ANKRD13A: variants seen among roughly 807,000 people sequenced by gnomAD.
ANKRD13A encodes the protein ankyrin repeat domain-containing protein 13A.
In ANKRD13A, 48 loss-of-function variants were observed where a neutral mutation model predicts 81.3. That is an observed-to-expected ratio of 0.59 (90% confidence interval 0.47 to 0.75). The LOEUF (loss-of-function observed/expected upper bound fraction) is 0.75. ANKRD13A is among the 30% of genes least tolerant of loss of function. ANKRD13A has a pLI of 0.00. For missense variants in ANKRD13A, 612 were observed against 734.0 expected (o/e 0.83, Z 1.92); for synonymous variants, 230 against 270.1 (o/e 0.85, Z 1.45).
chr12:110,026,531 C>T (rs79923065), intron 8 of ANKRD13A, among the ~76,000 whole-genome samples: 4 of 148,236 alleles, frequency 2.7e-5, no homozygotes, highest in East Asian at 4.1e-4. Flanking sequence ...GAGCTGAGAT[C>T]GTGCCATTGC....
intron 1 of ANKRD13A, among the ~76,000 whole-genome samples, chr12:110,009,344 G>A (rs899763266): frequency 6.6e-6 from 1 of 152,190 alleles, no homozygotes; most frequent in Non-Finnish European, 1.5e-5. Context: ...GCCTCTCAAA[G>A]TGTTGGGATT....
At position 110,018,514 on chromosome 12, in the gene ANKRD13A, A is replaced by C; in HGVS notation, c.544+26A>C. ...GTGAGTGACTTCTCTTGTAGTAATC[A>C]CTGCTCAAGCAAAATTACAGGGTGA... On this transcript the variant is annotated intron_variant, in intron 5 of 14. Coordinates refer to ENST00000261739, the MANE Select transcript of ANKRD13A (RefSeq NM_033121.2). The surrounding 1 kb of genome is among the most constrained non-coding windows in gnomAD (Gnocchi z 4.4). 1 of 1,604,208 alleles carries C rather than the reference A, an allele frequency of 6.2e-7. No homozygotes were observed. The highest frequency in any genetic ancestry group is 1.3e-5 in the African/African-American group (1 of 74,754).
Position 110,013,169 on chromosome 12 carries a change from A to C in ANKRD13A, c.274A>C (p.Thr92Pro). 6.2e-7 allele frequency: 1 copy of C among 1,614,206 alleles called. No homozygotes were observed. Among genetic ancestry groups the C allele is most frequent in the Non-Finnish European group, 8.5e-7 (1 of 1,180,024 alleles). ...CACTGGCGATCCTGAGATGGTGTAC[A>C]CAGTTCTCCAACATCGAGACTACCA... ...VSTGDPEMVY[T>P]VLQHRDYHNT... The change falls in exon 3 of 15, where the codon ACA becomes CCA. Residue 92 changes from threonine to proline, a missense_variant. Thr to Pro is a conservative substitution (Grantham distance 38). Transcript: ENST00000261739.
intron 9 of ANKRD13A, 67 bp from the exon 10 acceptor site, chr12:110,028,445 G>A: frequency 1.3e-6 from 2 of 1,584,676 alleles, no homozygotes; most frequent in East Asian, 2.2e-5. Context: ...CAGACACTGA[G>A]TGCCACAGGC....
At chr12:110,022,870 C>A (rs1891147411) in intron 6 of ANKRD13A, among the ~76,000 whole-genome samples, 1 of 152,170 alleles carries the variant, frequency 6.6e-6, no homozygotes, top group Non-Finnish European at 1.5e-5. Flanking sequence ...TCCTCTGTTT[C>A]CATCCACGGG....
intron 13 of ANKRD13A, 132 bp downstream of exon 13, chr12:110,034,089 T>C (rs1473452474): frequency 1.0e-6 from 1 of 954,504 alleles, no homozygotes; most frequent in Non-Finnish European, 1.4e-6. Flanking sequence ...TTGCATAGGT[T>C]ATACTTTGTG....
intron 11 of ANKRD13A, 79 bp from the exon 12 acceptor site, chr12:110,030,566 G>A: frequency 2.6e-6 from 2 of 780,654 alleles, no homozygotes; most frequent in East Asian, 6.1e-5. Context: ...ACTTGGCATA[G>A]TAAGCACTTA....
Position 110,025,777 on chromosome 12 carries a change from A to AAT in ANKRD13A, c.839_840dup (p.Arg281TyrfsTer6), listed in dbSNP as rs1417774587. On this transcript the variant is annotated frameshift_variant, in exon 8 of 15. Transcript: ENST00000261739. LOFTEE classifies it high-confidence loss of function. ...TAAACAATGTGAATGTGATCACCAAAATACGCACAGAACATCTGACCGAGG... is the reference window on the plus strand; with the variant it reads ...TAAACAATGTGAATGTGATCACCAAAATATACGCACAGAACATCTGACCGAGG... 5.6e-6 allele frequency: 9 copies of AAT among 1,613,810 alleles called. No homozygotes were observed. The highest frequency in any genetic ancestry group is 7.6e-6 in the Non-Finnish European group (9 of 1,179,966).
intron 6 of ANKRD13A, chr12:110,021,286 T>A (rs1419012408): frequency 3.3e-6 from 1 of 305,716 alleles, no homozygotes; most frequent in African/African-American, 2.2e-5. Flanking sequence ...AGAATATAGC[T>A]GCTCTTGAAT....
At chr12:110,027,617 C>T in intron 8 of ANKRD13A, 88 bp from the exon 9 acceptor site, 1 of 1,263,096 alleles carries the variant, frequency 7.9e-7, no homozygotes, top group African/African-American at 1.5e-5. Context: ...AATGAGGTAG[C>T]TTGGACCAGA....
At chr12:110,009,945 A>G (rs1217724056) in intron 1 of ANKRD13A, among the ~76,000 whole-genome samples, 1 of 152,040 alleles carries the variant, frequency 6.6e-6, no homozygotes, top group Admixed American at 6.5e-5. Context: ...GCTCACTGCA[A>G]CCTCCGCCTC....
chr12:110,000,299 T>C (rs1258553105), intron 1 of ANKRD13A, among the ~76,000 whole-genome samples: 1 of 152,182 alleles, frequency 6.6e-6, no homozygotes, highest in Non-Finnish European at 1.5e-5. Context: ...TTAACTTAGC[T>C]GTAGAATGAG....
chr12:110,037,579 A>G lies in ANKRD13A; in HGVS notation c.*25A>G, dbSNP rs1482771418. On this transcript the variant is annotated 3_prime_UTR_variant, in exon 15 of 15. Coordinates refer to ENST00000261739, the MANE Select transcript of ANKRD13A (RefSeq NM_033121.2). ...GACCTTTCAGCCTGTGAGCCTCTGC[A>G]CAAAGCAGAGGCTGTGGGCTGTCAC... 3 of 1,602,060 alleles carry G rather than the reference A, an allele frequency of 1.9e-6. No individual in the cohort carries two copies. In the African/African-American group the frequency reaches 4.0e-5, roughly 21 times the overall value.
intron 1 of ANKRD13A, among the ~76,000 whole-genome samples, chr12:110,008,637 C>T (rs551346844): frequency 3.3e-5 from 5 of 152,312 alleles, no homozygotes; most frequent in Admixed American, 1.3e-4. Flanking sequence ...GTAATCCCAG[C>T]ACTTTGGGAG....
Position 110,030,639 on chromosome 12 carries a change from T to C in ANKRD13A, c.1235-6T>C. ...TACTTATAAAAGTTTTTATTTTGTTTGTTAGAAATTCCCTTGTTTCATGTC... is the reference window on the plus strand; with the variant it reads ...TACTTATAAAAGTTTTTATTTTGTTCGTTAGAAATTCCCTTGTTTCATGTC... On this transcript the variant is annotated splice_region_variant and splice_polypyrimidine_tract_variant and intron_variant, in intron 11 of 14. Coordinates refer to ENST00000261739, the MANE Select transcript of ANKRD13A (RefSeq NM_033121.2). The C allele has an allele frequency of 6.4e-7, 1 of 1,558,634 alleles. No homozygotes were observed. The highest frequency in any genetic ancestry group is 8.7e-7 in the Non-Finnish European group (1 of 1,145,536).
At chr12:110,009,952 C>T (rs1405273409) in intron 1 of ANKRD13A, among the ~76,000 whole-genome samples, 1 of 152,210 alleles carries the variant, frequency 6.6e-6, no homozygotes, top group Non-Finnish European at 1.5e-5. Flanking sequence ...GCAACCTCCG[C>T]CTCCCAGGTT....
intron 7 of ANKRD13A, among the ~76,000 whole-genome samples, chr12:110,024,981 A>G (rs1891244663): frequency 6.6e-6 from 1 of 152,248 alleles, no homozygotes; most frequent in South Asian, 2.1e-4. Flanking sequence ...TCTACAGCTC[A>G]TAAGTCTATA....
At position 110,024,189 on chromosome 12, in the gene ANKRD13A, T is replaced by C. The variant is rs977223240; in HGVS notation, c.801+77T>C. Reference sequence around the variant, plus strand: ...CAAATGAGGAATCTGTTCCCATTTTTTTCATGCATCTGTGCCATGGAGATG... The same window carrying C: ...CAAATGAGGAATCTGTTCCCATTTTCTTCATGCATCTGTGCCATGGAGATG... On this transcript the variant is annotated intron_variant, in intron 7 of 14. Transcript: ENST00000261739. 19 of 1,311,732 alleles carry C rather than the reference T, an allele frequency of 1.4e-5. No homozygotes were observed. In the Middle Eastern group the frequency reaches 1.1e-3, roughly 75 times the overall value. The allele number at this position is 1,311,732 out of a possible 1,614,324, so 81.3% of individuals were successfully genotyped here.
chr12:110,021,003 G>A, intron 6 of ANKRD13A: 1 of 371,634 alleles, frequency 2.7e-6, no homozygotes, highest in South Asian at 1.9e-5. Context: ...TGTGAAGAGA[G>A]GGTGACAATT....
Sources: allele counts gnomAD v4.1 joint callset (sites outside exome capture counted in the v4.1 genomes callset), GRCh38; gene constraint gnomAD v4.1.1; non-coding constraint Gnocchi (gnomAD v3.1); transcripts MANE v1.5; gene names NCBI Gene and HGNC (gene_info 2026-07-23, HGNC 2026-07-21).